The following GAD2 variants were observed in gnomAD, a reference collection of about 807,000 sequenced individuals.
GAD2 encodes glutamate decarboxylase 2.
Under a neutral mutation model 80.1 loss-of-function variants are expected in GAD2, and 22 were observed. The ratio of observed to expected loss-of-function variants is 0.27; its 90% CI spans 0.20 to 0.39. GAD2 has a LOEUF of 0.39. GAD2 is among the 10% of genes least tolerant of loss of function. The pLI, the probability that GAD2 is intolerant of heterozygous loss-of-function variation, is 1.00. For missense variants in GAD2, 624 were observed against 738.4 expected (o/e 0.85, Z 1.80); for synonymous variants, 274 against 256.9 (o/e 1.07, Z -0.64).
intron 8 of GAD2, among the ~76,000 whole-genome samples, chr10:26,253,977 T>C (rs956941927): frequency 6.6e-5 from 10 of 152,202 alleles, no homozygotes; most frequent in Admixed American, 6.5e-4. Context: ...ATGAAACTGT[T>C]CCACCTCAGA....
In GAD2 at chr10:26,277,789, A is replaced by G. The variant is rs146206593; in HGVS notation, c.1158-3220A>G. On this transcript the variant is annotated intron_variant, in intron 11 of 15. Coordinates refer to ENST00000376261, the MANE Select transcript of GAD2 (RefSeq NM_001134366.2). The stretch of plus-strand genomic sequence containing the variant: ...GCCTGGAAGGAAAATGGTGCCAGGA[A>G]CACAGAATATAGAGGAGAAAGAATC... 7.8e-3 allele frequency among the ~76,000 whole-genome samples: 1,193 copies of G among 152,286 alleles called. 21 individuals carry two copies. The highest frequency in any genetic ancestry group is 0.027 in the African/African-American group (1,134 of 41,566).
intron 8 of GAD2, among the ~76,000 whole-genome samples, chr10:26,259,083 G>C (rs1438440462): frequency 2.0e-5 from 3 of 152,192 alleles, no homozygotes; most frequent in Non-Finnish European, 4.4e-5. Flanking sequence ...CTCCCAAAGT[G>C]CTGGGATTAC....
intron 13 of GAD2, among the ~76,000 whole-genome samples, chr10:26,287,853 A>C (rs12240533): frequency 0.11 from 17,056 of 152,120 alleles, 3,128 homozygotes; most frequent in African/African-American, 0.38. Flanking sequence ...GAGTGGATAT[A>C]CATTTGGCTC....
intron 8 of GAD2, among the ~76,000 whole-genome samples, chr10:26,246,509 C>T (rs933456945): frequency 1.3e-5 from 2 of 152,152 alleles, no homozygotes; most frequent in African/African-American, 4.8e-5. Flanking sequence ...GGATTCAGTG[C>T]GGTGCTTTGT....
At chr10:26,297,871 T>G (rs1834292083) in intron 15 of GAD2, among the ~76,000 whole-genome samples, 1 of 152,154 alleles carries the variant, frequency 6.6e-6, no homozygotes, top group South Asian at 2.1e-4. Flanking sequence ...CTATCCATAT[T>G]TATGAGGGGA....
chr10:26,240,482 T>A (rs1487668852), intron 7 of GAD2, among the ~76,000 whole-genome samples: 1 of 152,160 alleles, frequency 6.6e-6, no homozygotes, highest in Non-Finnish European at 1.5e-5. Context: ...GAGAAATTAC[T>A]CTTCCTTGGG....
At chr10:26,278,747 C>T (rs1041165585) in intron 11 of GAD2, among the ~76,000 whole-genome samples, 2 of 151,930 alleles carry the variant, frequency 1.3e-5, no homozygotes, top group Non-Finnish European at 2.9e-5. Flanking sequence ...TCCTCAATTC[C>T]AGTCGTAAAT....
At chr10:26,228,053 G>C (rs1470879808) in intron 6 of GAD2, among the ~76,000 whole-genome samples, 1 of 152,224 alleles carries the variant, frequency 6.6e-6, no homozygotes, top group Admixed American at 6.5e-5. Context: ...GAGCCCTCCT[G>C]CTCCTCAGCC....
At chr10:26,288,813 C>T (rs1339079036) in intron 13 of GAD2, among the ~76,000 whole-genome samples, 1 of 152,132 alleles carries the variant, frequency 6.6e-6, no homozygotes, top group African/African-American at 2.4e-5. Context: ...TGCTCCCTTT[C>T]CATCTGAAGC....
chr10:26,289,977 T>C (rs896588978), intron 13 of GAD2, among the ~76,000 whole-genome samples: 1 of 152,140 alleles, frequency 6.6e-6, no homozygotes, highest in African/African-American at 2.4e-5. Context: ...TCTCTGTGTT[T>C]GTATGTAGTC....
intron 13 of GAD2, among the ~76,000 whole-genome samples, chr10:26,287,321 A>G (rs8190775): frequency 0.069 from 10,502 of 152,264 alleles, 449 homozygotes; most frequent in Non-Finnish European, 0.098. Context: ...AGGAAACCTG[A>G]CATAAGAAAG....
intron 12 of GAD2, among the ~76,000 whole-genome samples, chr10:26,284,561 C>G (rs1365395209): frequency 7.8e-6 from 1 of 128,472 alleles, no homozygotes; most frequent in African/African-American, 3.5e-5. Flanking sequence ...TGCGGCTGTT[C>G]AGCTTTTTTT....
chr10:26,217,029 T>C lies in GAD2; in HGVS notation c.76+144T>C, dbSNP rs1844380942. On this transcript the variant is annotated intron_variant, in intron 1 of 15. Coordinates refer to ENST00000376261, the MANE Select transcript of GAD2 (RefSeq NM_001134366.2). This position sits in a 1 kb window ranked among gnomAD's most constrained non-coding sequence, Gnocchi z 4.9. ...TCTCCCTGCTTTTGGGCTAAGTCCT[T>C]GACGGCCCAAGAGCTCAAGACCTCT... 4.5e-6 allele frequency: 3 copies of C among 670,184 alleles called. No individual in the cohort carries two copies. Among genetic ancestry groups the C allele is most frequent in the Non-Finnish European group, 5.1e-6 (2 of 394,188 alleles). The allele number at this position is 670,184 out of a possible 1,614,324, so 41.5% of individuals were successfully genotyped here. A position where few individuals can be genotyped will look rare whatever the true frequency, so the allele number is the denominator to read the frequency against.
chr10:26,292,383 CA>C, intron 13 of GAD2, 81 bp from the exon 14 acceptor site: 1 of 996,616 alleles, frequency 1.0e-6, no homozygotes, highest in Non-Finnish European at 1.6e-6. Flanking sequence ...ACAGAGACGG[CA>C]GGATGACGGT....
chr10:26,286,581 C>A (rs1845336238), intron 13 of GAD2, 87 bp downstream of exon 13: 1 of 1,328,982 alleles, frequency 7.5e-7, no homozygotes, highest in South Asian at 1.8e-5. Flanking sequence ...AAAGTGATTT[C>A]CAAATTGAAA....
Position 26,217,523 on chromosome 10 carries a change from A to G in GAD2, c.77-87A>G, listed in dbSNP as rs952856913. On this transcript the variant is annotated intron_variant, in intron 1 of 15. Coordinates refer to ENST00000376261, the MANE Select transcript of GAD2 (RefSeq NM_001134366.2). The surrounding 1 kb of genome is among the most constrained non-coding windows in gnomAD (Gnocchi z 4.9). ...CGGCCCCTCCTAGGACCCCGGACTG[A>G]TTGATTTTCACATAGAACGAAATTT... 44 of 1,410,494 alleles carry G rather than the reference A, an allele frequency of 3.1e-5. No homozygotes were observed. The highest frequency in any genetic ancestry group is 1.7e-4 in the Middle Eastern group (1 of 5,738). The allele number at this position is 1,410,494 out of a possible 1,614,324, so 87.4% of individuals were successfully genotyped here.
upstream of GAD2, chr10:26,216,711 C>G: frequency 1.0e-6 from 1 of 977,580 alleles, no homozygotes. The surrounding 1 kb of genome is among the most constrained non-coding windows in gnomAD (Gnocchi z 4.7). Flanking sequence ...CGGTGCCCTC[C>G]TCCCGCCACA....
intron 7 of GAD2, among the ~76,000 whole-genome samples, chr10:26,231,433 G>A (rs1363947022): frequency 6.6e-6 from 1 of 152,220 alleles, no homozygotes. Flanking sequence ...AGTGGATACA[G>A]TTCATTACCA....
At chr10:26,300,451 G>A (rs1834317018) in intron 15 of GAD2, among the ~76,000 whole-genome samples, 1 of 151,992 alleles carries the variant, frequency 6.6e-6, no homozygotes, top group Admixed American at 6.6e-5. Flanking sequence ...ACTGTGGGGG[G>A]AAAATGCCCC....
Sources: allele counts gnomAD v4.1 joint callset (sites outside exome capture counted in the v4.1 genomes callset), GRCh38; gene constraint gnomAD v4.1.1; non-coding constraint Gnocchi (gnomAD v3.1); transcripts MANE v1.5; gene names NCBI Gene and HGNC (gene_info 2026-07-23, HGNC 2026-07-21).